IKZF3: variants seen among roughly 807,000 people sequenced by gnomAD.
IKZF3 encodes IKAROS family zinc finger 3, also known as zinc finger protein Aiolos.
A neutral mutation model predicts 49.0 loss-of-function variants in IKZF3; 10 were observed. That is an observed-to-expected ratio of 0.20 (90% CI 0.13 to 0.35). IKZF3 has a LOEUF of 0.35. Ranked by LOEUF, IKZF3 falls within the 10% of genes least tolerant of loss-of-function variation. IKZF3 has a pLI of 1.00. For missense variants in IKZF3, 498 were observed against 664.8 expected, an observed-to-expected ratio of 0.75 and a Z score of 2.76; for synonymous variants, 209 against 228.2, an observed-to-expected ratio of 0.92 and a Z score of 0.76.
intron 1 of IKZF3, among the ~76,000 whole-genome samples, chr17:39,836,310 T>A (rs916365778): frequency 6.6e-6 from 1 of 152,028 alleles, no homozygotes; most frequent in Non-Finnish European, 1.5e-5. Flanking sequence ...TGGGAGAAGC[T>A]CGAGGAACTG....
intron 3 of IKZF3, among the ~76,000 whole-genome samples, chr17:39,807,820 T>G (rs1018686693): frequency 3.9e-5 from 6 of 152,044 alleles, no homozygotes; most frequent in Admixed American, 3.9e-4. Flanking sequence ...TTATATGAAA[T>G]ACCCAGAAAC....
chr17:39,864,263 G>C lies in IKZF3; in HGVS notation c.-137C>G. 1 of 992,332 alleles carries C rather than the reference G, an allele frequency of 1.0e-6. No homozygotes were observed. Among genetic ancestry groups the C allele is most frequent in the Non-Finnish European group, 1.5e-6 (1 of 677,164 alleles). The allele number at this position is 992,332 out of a possible 1,614,324, so 61.5% of individuals were successfully genotyped here. ...GTCCCCGGGATCCGGCAGCCGCGTCGGCGCAGACTGAAAAGGGCAGGAGCC... is the reference window on the plus strand; with the variant it reads ...GTCCCCGGGATCCGGCAGCCGCGTCCGCGCAGACTGAAAAGGGCAGGAGCC... On this transcript the variant is annotated 5_prime_UTR_variant, in exon 1 of 8. Transcript: ENST00000346872.
At chr17:39,769,763 G>A (rs2060389651) in intron 7 of IKZF3, among the ~76,000 whole-genome samples, 1 of 152,182 alleles carries the variant, frequency 6.6e-6, no homozygotes, top group African/African-American at 2.4e-5. Flanking sequence ...GGCTCCAGAA[G>A]GTTTCTGGGT....
chr17:39,804,893 A>G (rs775593203), intron 3 of IKZF3, among the ~76,000 whole-genome samples: 1 of 152,024 alleles, frequency 6.6e-6, no homozygotes, highest in Non-Finnish European at 1.5e-5. Flanking sequence ...TTGCCTTTTC[A>G]CTTTACATAC....
At chr17:39,828,580 G>A (rs1456501431) in intron 3 of IKZF3, among the ~76,000 whole-genome samples, 1 of 152,244 alleles carries the variant, frequency 6.6e-6, no homozygotes, top group African/African-American at 2.4e-5. Flanking sequence ...AGACAAAAGT[G>A]CAGGTAACCT....
In IKZF3 at chr17:39,765,850, A is replaced by G. The variant is rs572754975; in HGVS notation, c.1470T>C (p.His490=). 16 of 1,614,002 alleles carry G rather than the reference A, an allele frequency of 9.9e-6. No individual in the cohort carries two copies. The highest frequency in any genetic ancestry group is 1.3e-5 in the Non-Finnish European group (15 of 1,179,986). ...FECNMCGYRS[H]DRYEFSSHIA... ...TGTGAGACGAGAACTCATACCGATC[A>G]TGGCTTCGATATCCACACATGTTAC... The change falls in exon 8 of 8, where the codon CAT becomes CAC. Residue 490 remains histidine (H), a synonymous_variant. Coordinates refer to ENST00000346872, the MANE Select transcript of IKZF3 (RefSeq NM_012481.5).
intron 1 of IKZF3, among the ~76,000 whole-genome samples, chr17:39,842,880 T>C (rs895392420): frequency 2.0e-5 from 3 of 152,220 alleles, no homozygotes; most frequent in Non-Finnish European, 2.9e-5. Context: ...GTGGTCATCA[T>C]CAGTAATGGG....
chr17:39,811,095 G>A (rs1023183009), intron 3 of IKZF3, among the ~76,000 whole-genome samples: 9 of 152,030 alleles, frequency 5.9e-5, no homozygotes, highest in Admixed American at 2.0e-4. Flanking sequence ...AAATTAGCAG[G>A]GCATGGTGGT....
chr17:39,843,820 A>G (rs1311176650), intron 1 of IKZF3, among the ~76,000 whole-genome samples: 3 of 152,006 alleles, frequency 2.0e-5, no homozygotes, highest in Non-Finnish European at 4.4e-5. Flanking sequence ...AAAAAAAAAA[A>G]AAAAAGAGAT....
At chr17:39,860,146 G>A (rs370812694) in intron 1 of IKZF3, among the ~76,000 whole-genome samples, 3 of 152,112 alleles carry the variant, frequency 2.0e-5, no homozygotes, top group East Asian at 1.9e-4. Context: ...GTGGATGCCT[G>A]TAGTCCTAGC....
chr17:39,800,231 C>G (rs1334816564), intron 3 of IKZF3, among the ~76,000 whole-genome samples: 2 of 152,152 alleles, frequency 1.3e-5, no homozygotes, highest in Non-Finnish European at 2.9e-5. Flanking sequence ...TATCAGGTTT[C>G]TTAGACATAC....
At chr17:39,815,597 A>C (rs908682548) in intron 3 of IKZF3, among the ~76,000 whole-genome samples, 1 of 152,208 alleles carries the variant, frequency 6.6e-6, no homozygotes, top group African/African-American at 2.4e-5. Flanking sequence ...GACATTTTAG[A>C]TCCAAGTAGA....
At chr17:39,810,798 T>C (rs777895408) in intron 3 of IKZF3, among the ~76,000 whole-genome samples, 48 of 152,202 alleles carry the variant, frequency 3.2e-4, no homozygotes, top group Non-Finnish European at 4.7e-4. Context: ...GTAAAATTTA[T>C]TGGGACTGTA....
rs955139777 is a variant in IKZF3, at chr17:39,864,288, C to T, written c.-162G>A. The T allele has an allele frequency of 1.8e-5, 13 of 720,982 alleles. No individual in the cohort carries two copies. Among genetic ancestry groups the T allele is most frequent in the Non-Finnish European group, 2.8e-5 (13 of 456,594 alleles). The allele number at this position is 720,982 out of a possible 1,614,324, so 44.7% of individuals were successfully genotyped here. ...GGCGCAGACTGAAAAGGGCAGGAGC[C>T]GGCGACCTGCCGGTGCGCGGGGTTA... On this transcript the variant is annotated 5_prime_UTR_variant, in exon 1 of 8. Coordinates refer to ENST00000346872, the MANE Select transcript of IKZF3 (RefSeq NM_012481.5).
chr17:39,855,992 TTGTATA>T (rs1382800732), intron 1 of IKZF3, among the ~76,000 whole-genome samples: 2 of 150,910 alleles, frequency 1.3e-5, no homozygotes, highest in South Asian at 2.1e-4. Context: ...AACATGTATA[TTGTATA>T]TGTACAATAT....
intron 1 of IKZF3, among the ~76,000 whole-genome samples, chr17:39,841,500 C>T (rs542075006): frequency 2.6e-5 from 4 of 152,204 alleles, no homozygotes; most frequent in African/African-American, 9.6e-5. Flanking sequence ...AATGTCCACA[C>T]AGAGTGGAGG....
In IKZF3 at chr17:39,765,763, A is replaced by G. The variant is rs2143559352; in HGVS notation, c.*27T>C. 1 of 1,538,478 alleles carries G rather than the reference A, an allele frequency of 6.5e-7. No homozygotes were observed. The highest frequency in any genetic ancestry group is 1.2e-5 in the South Asian group (1 of 84,048). On this transcript the variant is annotated 3_prime_UTR_variant, in exon 8 of 8. Coordinates refer to ENST00000346872, the MANE Select transcript of IKZF3 (RefSeq NM_012481.5). ...GGTTTTTAGAAACGATGCTGAATAC[A>G]TAGGAGCAATCCCTGAGACCAGATA...
At chr17:39,785,721 T>C (rs2060858312) in intron 6 of IKZF3, among the ~76,000 whole-genome samples, 1 of 152,220 alleles carries the variant, frequency 6.6e-6, no homozygotes, top group Non-Finnish European at 1.5e-5. Flanking sequence ...TGTTACTATA[T>C]TTCTTTTGCA....
intron 3 of IKZF3, among the ~76,000 whole-genome samples, chr17:39,814,749 T>A (rs1010579122): frequency 6.6e-6 from 1 of 152,174 alleles, no homozygotes; most frequent in African/African-American, 2.4e-5. Context: ...AAAAAAGAAC[T>A]CTTCCCTAGG....
Sources: gnomAD v4.1 joint callset for allele counts (sites outside exome capture counted in the v4.1 genomes callset) on GRCh38, gnomAD v4.1.1 for gene constraint, MANE v1.5 for transcripts, NCBI Gene and HGNC (gene_info 2026-07-23, HGNC 2026-07-21) for gene names.